Variants in BTBD1 observed in about 807,000 individuals in gnomAD.
BTBD1 encodes the protein BTB domain containing 1, also known as BTB/POZ domain-containing protein 1.
A neutral mutation model predicts 48.0 loss-of-function variants in BTBD1; 34 were observed. The observed-to-expected ratio is 0.71, with a 90% CI of 0.54 to 0.94. The LOEUF (loss-of-function observed/expected upper bound fraction) is 0.94, where lower values mean the gene tolerates loss of function less well. Ranked by LOEUF, BTBD1 falls within the 40% of genes least tolerant of loss-of-function variation. BTBD1 has a pLI of 0.00. For missense variants in BTBD1, 543 were observed against 625.6 expected (o/e 0.87, Z 1.41); for synonymous variants, 261 against 242.1 (o/e 1.08, Z -0.72).
intron 3 of BTBD1, 130 bp from the exon 4 acceptor site, chr15:83,042,055 A>C (rs1019914157): frequency 7.4e-6 from 5 of 679,164 alleles, no homozygotes; most frequent in Non-Finnish European, 9.9e-6. Flanking sequence ...AAAACTACAG[A>C]CTTTATACTT....
intron 2 of BTBD1, 136 bp downstream of exon 2, chr15:83,056,253 C>G: frequency 1.7e-6 from 1 of 586,052 alleles, no homozygotes; most frequent in Non-Finnish European, 2.8e-6. Context: ...ACATGTTTCC[C>G]TGATTTGTAT....
chr15:83,021,863 C>T (rs1476305895), intron 5 of BTBD1, among the ~76,000 whole-genome samples: 1 of 151,990 alleles, frequency 6.6e-6, no homozygotes, highest in Non-Finnish European at 1.5e-5. Context: ...GTCAGCAACA[C>T]CTTCAATTAT....
intron 1 of BTBD1, 148 bp downstream of exon 1, chr15:83,066,603 C>A: frequency 1.2e-6 from 1 of 838,202 alleles, no homozygotes; most frequent in Non-Finnish European, 1.6e-6. Context: ...GGAGCATCAA[C>A]GGCTCGGGAG....
chr15:83,020,549 T>C, intron 6 of BTBD1, 126 bp downstream of exon 6: 1 of 656,112 alleles, frequency 1.5e-6, no homozygotes, highest in Non-Finnish European at 2.6e-6. Flanking sequence ...ATGCTTACAA[T>C]GCTACTAAGG....
rs753158383 is a variant in BTBD1 at position 83,056,539 on chromosome 15, T to A, written c.408A>T (p.Leu136=). ...PAAFLALLRF[L]YSDEVQIGPE... ...GACCAATTTGAACTTCATCTGAATA[T>A]AGAAATCTGGAAAACAATTGGCATA... is the stretch of plus-strand genomic sequence containing the variant. The change falls in exon 2 of 8, where the codon CTA becomes CTT. Residue 136 remains leucine, a synonymous_variant. Coordinates refer to ENST00000261721, the MANE Select transcript of BTBD1 (RefSeq NM_025238.4). The A allele has an allele frequency of 6.2e-7, 1 of 1,613,170 alleles. No individual in the cohort carries two copies. The highest frequency in any genetic ancestry group is 1.3e-5 in the African/African-American group (1 of 74,916).
intron 4 of BTBD1, among the ~76,000 whole-genome samples, chr15:83,038,248 C>T (rs1010776411): frequency 6.6e-5 from 10 of 152,158 alleles, no homozygotes; most frequent in Middle Eastern, 3.4e-3. Flanking sequence ...TTACCATGTC[C>T]ACACAAAAAA....
intron 1 of BTBD1, among the ~76,000 whole-genome samples, chr15:83,058,033 T>C (rs919293745): frequency 2.0e-5 from 3 of 152,240 alleles, no homozygotes; most frequent in Non-Finnish European, 4.4e-5. Context: ...AGGCAGTTTG[T>C]TCAATTTATC....
chr15:83,059,950 G>T lies in BTBD1; in HGVS notation c.402-3405C>A, dbSNP rs2033150735. On this transcript the variant is annotated intron_variant, in intron 1 of 7. Transcript: ENST00000261721. ...TGACTCTAGTTTATTTCTTACCCTT[G>T]TGTTTCTTATAAGACATTTTAAGTT... 2.0e-5 allele frequency among the ~76,000 whole-genome samples: 3 copies of T among 152,188 alleles called. No homozygotes were observed. In the South Asian group the frequency reaches 6.2e-4, roughly 32 times the overall value.
chr15:83,042,015 A>C, intron 3 of BTBD1, 90 bp from the exon 4 acceptor site: 1 of 1,064,418 alleles, frequency 9.4e-7, no homozygotes, highest in Non-Finnish European at 1.4e-6. Context: ...TTAAGTTTTC[A>C]GATCTCAACA....
intron 4 of BTBD1, among the ~76,000 whole-genome samples, chr15:83,038,455 G>A (rs984999631): frequency 7.2e-5 from 11 of 152,046 alleles, no homozygotes; most frequent in Admixed American, 6.6e-5. Flanking sequence ...ACTCAATATC[G>A]TTCAAATGAC....
intron 4 of BTBD1, among the ~76,000 whole-genome samples, chr15:83,031,637 G>A (rs775281036): frequency 5.3e-5 from 8 of 152,144 alleles, no homozygotes; most frequent in East Asian, 1.9e-4. Context: ...GTGGGGCAGC[G>A]GGAGGGGGAA....
intron 1 of BTBD1, among the ~76,000 whole-genome samples, chr15:83,063,692 A>C (rs923389353): frequency 6.6e-6 from 1 of 152,144 alleles, no homozygotes; most frequent in African/African-American, 2.4e-5. Context: ...GTCTTCGCTC[A>C]GTCTCTAAAG....
At chr15:83,044,624 C>G in intron 3 of BTBD1, 1 of 1,565,388 alleles carries the variant, frequency 6.4e-7, no homozygotes, top group Non-Finnish European at 8.8e-7. Flanking sequence ...AGACTGTGTG[C>G]AGCTTTGCAG....
rs1282241874 is a variant in BTBD1 at position 83,017,635 on chromosome 15, C to T, written c.*432G>A. ...AGTTAATAAGAATTCTGTAGGAATA[C>T]TGACCCATCTCTTTTCATCCAACCT... On this transcript the variant is annotated 3_prime_UTR_variant, in exon 8 of 8. Transcript: ENST00000261721. The T allele has an allele frequency of 1.3e-5, 2 of 152,702 alleles. No homozygotes were observed. Among genetic ancestry groups the T allele is most frequent in the African/African-American group, 4.8e-5 (2 of 41,452 alleles). 9.5% of individuals were successfully genotyped at this position (152,702 alleles called of 1,614,324 possible).
At position 83,067,017 on chromosome 15, in the gene BTBD1, G is replaced by T; in HGVS notation, c.135C>A (p.Leu45=). 1 of 1,584,524 alleles carries T rather than the reference G, an allele frequency of 6.3e-7. No individual in the cohort carries two copies. Among genetic ancestry groups the T allele is most frequent in the Non-Finnish European group, 8.6e-7 (1 of 1,167,586 alleles). Residue 45 remains leucine (L), a synonymous_variant, in exon 1 of 8, where the codon CTC becomes CTA. Coordinates refer to ENST00000261721, the MANE Select transcript of BTBD1 (RefSeq NM_025238.4). ...GPLLPLQREP[L]YNWQATKASL... is the part of the protein sequence containing the mutation. The stretch of plus-strand genomic sequence containing the variant: ...ACGCCTTGGTCGCCTGCCAGTTGTA[G>T]AGAGGTTCCCGCTGCAGGGGGAGCA...
intron 6 of BTBD1, 72 bp downstream of exon 6, chr15:83,020,603 G>T: frequency 9.6e-7 from 1 of 1,043,718 alleles, no homozygotes; most frequent in Non-Finnish European, 1.4e-6. Context: ...TTTGGATTCT[G>T]TCAAAACAAT....
intron 5 of BTBD1, chr15:83,024,246 T>C (rs1298686439): frequency 1.3e-5 from 2 of 152,230 alleles, no homozygotes; most frequent in Non-Finnish European, 2.9e-5. Context: ...TCTAATGAAA[T>C]ACCCAACTCA....
chr15:83,060,515 C>T (rs75226543), intron 1 of BTBD1, among the ~76,000 whole-genome samples: 222 of 151,314 alleles, frequency 1.5e-3, no homozygotes, highest in Non-Finnish European at 2.7e-3. Flanking sequence ...AATTTAAAGC[C>T]GGGCACGGTA....
chr15:83,060,845 C>T (rs2033164891), intron 1 of BTBD1, among the ~76,000 whole-genome samples: 2 of 152,050 alleles, frequency 1.3e-5, no homozygotes, highest in South Asian at 2.1e-4. Context: ...AAGGTGAATA[C>T]TTGATTTTAT....
Sources: gnomAD v4.1 joint callset for allele counts (sites outside exome capture counted in the v4.1 genomes callset) on GRCh38, gnomAD v4.1.1 for gene constraint, MANE v1.5 for transcripts, NCBI Gene and HGNC (gene_info 2026-07-23, HGNC 2026-07-21) for gene names.